The following ITFG2 variants were observed in gnomAD, a reference collection of about 807,000 sequenced individuals.
ITFG2 encodes KICSTOR complex protein ITFG2.
In ITFG2, 36 loss-of-function variants were observed where a neutral mutation model predicts 54.4. The ratio of observed to expected loss-of-function variants is 0.66; its 90% confidence interval spans 0.51 to 0.87. The LOEUF (loss-of-function observed/expected upper bound fraction) is 0.87, where lower values mean the gene tolerates loss of function less well. ITFG2 is among the 40% of genes least tolerant of loss of function. The probability of loss-of-function intolerance (pLI) is 0.00; values close to 1 mark genes in which losing one functional copy is unlikely to be tolerated. For synonymous variants in ITFG2, 211 were observed against 225.4 expected (o/e 0.94, Z 0.57); for missense variants, 524 against 576.7 (o/e 0.91, Z 0.94).
chr12:2,813,707 A>G (rs547768828), intron 1 of ITFG2, among the ~76,000 whole-genome samples: 4 of 152,156 alleles, frequency 2.6e-5, no homozygotes, highest in East Asian at 1.9e-4. Context: ...CCTCTGCCCT[A>G]TCTTCCTACT....
downstream of ITFG2, among the ~76,000 whole-genome samples, chr12:2,831,179 A>T (rs1026240852): frequency 1.3e-5 from 2 of 151,904 alleles, no homozygotes; most frequent in Non-Finnish European, 2.9e-5. Context: ...GTTTTGTCTC[A>T]AACTTACATT....
intron 2 of ITFG2, among the ~76,000 whole-genome samples, chr12:2,853,782 C>T (rs1465105312): frequency 1.3e-5 from 2 of 152,076 alleles, no homozygotes; most frequent in Non-Finnish European, 2.9e-5. Flanking sequence ...TCCGTGAGTT[C>T]CCAGGGTGGC....
rs190230825 is a variant in ITFG2, at chr12:2,817,878, G to C, written c.193-31G>C. 16 of 1,607,640 alleles carry C rather than the reference G, an allele frequency of 1.0e-5. No individual in the cohort carries two copies. In the Admixed American group the frequency reaches 2.6e-4, roughly 26 times the overall value. ...TCAGGGAGTACTGGTCTCCCTTAGC[G>C]TCTCCCTGAGCCTCCCTTTCTCTCT... is the stretch of plus-strand genomic sequence containing the variant. On this transcript the variant is annotated intron_variant, in intron 2 of 11. Transcript: ENST00000228799.
downstream of ITFG2, chr12:2,827,806 G>T: frequency 5.0e-6 from 8 of 1,603,210 alleles, no homozygotes; most frequent in Non-Finnish European, 6.8e-6. This position sits in a 1 kb window ranked among gnomAD's most constrained non-coding sequence, Gnocchi z 4.0. Flanking sequence ...AGAGATGGGG[G>T]ATAGTCAGAA....
chr12:2,848,896 C>T, intron 2 of ITFG2: 1 of 339,788 alleles, frequency 2.9e-6, no homozygotes. Context: ...CACACACACA[C>T]ACACACACAC....
chr12:2,838,835 A>C (rs2098034365), intron 1 of ITFG2, among the ~76,000 whole-genome samples: 1 of 152,172 alleles, frequency 6.6e-6, no homozygotes, highest in Non-Finnish European at 1.5e-5. Flanking sequence ...TTGTTCTAGC[A>C]ATATAAAGCT....
chr12:2,828,874 C>T (rs1444460557), downstream of ITFG2, among the ~76,000 whole-genome samples: 1 of 151,962 alleles, frequency 6.6e-6, no homozygotes, highest in East Asian at 1.9e-4. Flanking sequence ...TTTTATGAGA[C>T]TCATACAATA....
chr12:2,856,436 G>A (rs759907045), intron 2 of ITFG2, among the ~76,000 whole-genome samples: 26 of 152,108 alleles, frequency 1.7e-4, no homozygotes, highest in Admixed American at 5.9e-4. Context: ...TGCAATCTCG[G>A]CTCACTGCAA....
In ITFG2 at chr12:2,855,171, G is replaced by A. The variant is rs529022882; in HGVS notation, n.301-2841G>A. On this transcript the variant is annotated intron_variant and non_coding_transcript_variant, in intron 2 of 3. Coordinates refer to the ITFG2 transcript ENST00000537710. ...TCAGCCAGCGCCAGACATTGCTATC[G>A]TAGGGCCTGTCAGGCTGGGTGGGGA... The A allele has an allele frequency of 1.1e-4, 162 of 1,517,862 alleles. 1 individual carries two copies. Among genetic ancestry groups the A allele is most frequent in the African/African-American group, 9.1e-4 (66 of 72,794 alleles). The allele number at this position is 1,517,862 out of a possible 1,614,324, so 94.0% of individuals were successfully genotyped here. A position where few individuals can be genotyped will look rare whatever the true frequency, so the allele number is the denominator to read the frequency against.
chr12:2,834,066 G>A (rs1246749122), upstream of ITFG2, among the ~76,000 whole-genome samples: 4 of 152,182 alleles, frequency 2.6e-5, no homozygotes. Context: ...CTGCAGACAT[G>A]GGATGGGAGG....
At position 2,819,928 on chromosome 12, in the gene ITFG2, G is replaced by A. The variant is rs373387831; in HGVS notation, c.407-158G>A. The A allele has an allele frequency of 1.2e-4, 102 of 845,800 alleles. No individual in the cohort carries two copies. In the African/African-American group the frequency reaches 1.6e-3, roughly 13 times the overall value. The allele number at this position is 845,800 out of a possible 1,614,324, so 52.4% of individuals were successfully genotyped here. ...GATGGACCAAATGGACGGGCAAGAT[G>A]CCGCAAACACAGGCAGGGGCGGGGG... On this transcript the variant is annotated intron_variant, in intron 4 of 11. Coordinates refer to ENST00000228799, the MANE Select transcript of ITFG2 (RefSeq NM_018463.4).
intron 2 of ITFG2, among the ~76,000 whole-genome samples, chr12:2,848,876 C>T (rs979718119): frequency 1.6e-5 from 2 of 122,260 alleles, no homozygotes; most frequent in African/African-American, 3.3e-5. Flanking sequence ...GACACACACA[C>T]GCACACACAC....
chr12:2,830,485 A>G, intron 2 of ITFG2: 1 of 490,082 alleles, frequency 2.0e-6, no homozygotes, highest in Non-Finnish European at 3.6e-6. Context: ...TTGACCAAGG[A>G]AGGGGGGCAG....
At chr12:2,837,355 G>GT (rs1393373730) in intron 1 of ITFG2, among the ~76,000 whole-genome samples, 1 of 152,208 alleles carries the variant, frequency 6.6e-6, no homozygotes, top group African/African-American at 2.4e-5. Context: ...GCAGGCGCCT[G>GT]TAGTCCCAGC....
At chr12:2,859,375 C>T in intron 3 of ITFG2, 1 of 1,613,912 alleles carries the variant, frequency 6.2e-7, no homozygotes, top group African/African-American at 1.3e-5. Flanking sequence ...GACCTAAGCC[C>T]ACTGTAGGAC....
At chr12:2,859,695 C>A in exon 4 of ITFG2, 1 of 1,523,982 alleles carries the variant, frequency 6.6e-7, no homozygotes, top group Non-Finnish European at 8.9e-7. Context: ...GGTGAACCAA[C>A]GGTCACCAGA....
intron 2 of ITFG2, among the ~76,000 whole-genome samples, chr12:2,841,702 T>G (rs897410042): frequency 2.6e-5 from 4 of 151,416 alleles, no homozygotes; most frequent in Non-Finnish European, 5.9e-5. Context: ...TCTAATTGAT[T>G]GCATTACTTT....
At chr12:2,820,634 GCCCCCGCCCAC>G in intron 5 of ITFG2, 79 bp from the exon 6 acceptor site, 1 of 126,552 alleles carries the variant, frequency 7.9e-6, no homozygotes, top group Non-Finnish European at 1.6e-5. Context: ...CCCTGCCCCC[GCCCCCGCCCAC>G]CCACCGCCCC....
chr12:2,837,027 G>A lies in ITFG2; in HGVS notation n.146+71G>A, dbSNP rs573114010. The A allele has an allele frequency of 2.0e-5, 3 of 152,316 alleles. No homozygotes were observed. In the South Asian group the frequency reaches 6.2e-4, roughly 32 times the overall value. The allele number at this position is 152,316 out of a possible 1,614,324, so 9.4% of individuals were successfully genotyped here. A position where few individuals can be genotyped will look rare whatever the true frequency, so the allele number is the denominator to read the frequency against. The stretch of plus-strand genomic sequence containing the variant: ...ACATACTTTGTTATGGCATCCCCAG[G>A]AAACTAGTACATTAAGTCTTAGGAC... On this transcript the variant is annotated intron_variant and non_coding_transcript_variant, in intron 1 of 3. Coordinates refer to the ITFG2 transcript ENST00000537710.
Sources: allele counts gnomAD v4.1 joint callset (sites outside exome capture counted in the v4.1 genomes callset), GRCh38; gene constraint gnomAD v4.1.1; non-coding constraint Gnocchi (gnomAD v3.1); transcripts MANE v1.5; gene names NCBI Gene and HGNC (gene_info 2026-07-23, HGNC 2026-07-21).